The following SWT1 variants were observed in gnomAD, a reference collection of about 807,000 sequenced individuals.
SWT1 encodes SWT1 RNA endoribonuclease homolog, also known as transcriptional protein SWT1.
A neutral mutation model predicts 107.3 loss-of-function variants in SWT1; 33 were observed. The ratio of observed to expected loss-of-function variants is 0.31; its 90% CI spans 0.23 to 0.41. The LOEUF is 0.41. Ranked by LOEUF, SWT1 falls within the 10% of genes least tolerant of loss-of-function variation. The probability of loss-of-function intolerance (pLI) is 1.00; values close to 1 mark genes in which losing one functional copy is unlikely to be tolerated. For missense variants in SWT1, 898 were observed against 1,028.9 expected, an observed-to-expected ratio of 0.87 and a Z score of 1.74; for synonymous variants, 345 against 348.3, an observed-to-expected ratio of 0.99 and a Z score of 0.11.
intron 5 of SWT1, chr1:185,176,539 A>C (rs1313295857): frequency 2.1e-6 from 2 of 972,274 alleles, no homozygotes; most frequent in African/African-American, 1.8e-5. Flanking sequence ...CCTAATCTCT[A>C]TAATTTTGTT....
At chr1:185,278,154 G>A (rs966002210) in intron 18 of SWT1, among the ~76,000 whole-genome samples, 6 of 152,088 alleles carry the variant, frequency 3.9e-5, no homozygotes, top group African/African-American at 1.4e-4. Flanking sequence ...CATACACAGG[G>A]TATAGTTGTG....
In SWT1 at chr1:185,175,125, A is replaced by C. The variant is rs1438429504; in HGVS notation, c.966+12A>C. 3 of 1,489,318 alleles carry C rather than the reference A, an allele frequency of 2.0e-6. No homozygotes were observed. Among genetic ancestry groups the C allele is most frequent in the South Asian group, 2.9e-5 (2 of 68,460 alleles). The allele number at this position is 1,489,318 out of a possible 1,614,324, so 92.3% of individuals were successfully genotyped here. A position where few individuals can be genotyped will look rare whatever the true frequency, so the allele number is the denominator to read the frequency against. The stretch of plus-strand genomic sequence containing the variant: ...AAAACCTAACCCAGGTAAGGTAGTA[A>C]AAAATGAAGAATATAGGTTTTAACT... On this transcript the variant is annotated intron_variant, in intron 5 of 18. Transcript: ENST00000367500.
At chr1:185,197,035 T>G (rs996032878) in intron 10 of SWT1, among the ~76,000 whole-genome samples, 9 of 152,168 alleles carry the variant, frequency 5.9e-5, no homozygotes, top group African/African-American at 2.2e-4. Context: ...TGTGCCGGTT[T>G]TCAAAGGCAA....
chr1:185,266,702 T>G (rs1558089737), intron 16 of SWT1: 2 of 151,866 alleles, frequency 1.3e-5, no homozygotes, highest in Non-Finnish European at 2.9e-5. Flanking sequence ...TTGATTTGTA[T>G]TTACTATTGA....
intron 13 of SWT1, among the ~76,000 whole-genome samples, chr1:185,213,723 A>C (rs1659004699): frequency 6.6e-6 from 1 of 152,114 alleles, no homozygotes; most frequent in Non-Finnish European, 1.5e-5. Flanking sequence ...TAATGGAAAT[A>C]ATTTTTTCTG....
chr1:185,210,294 C>T (rs1368781241), intron 13 of SWT1, among the ~76,000 whole-genome samples: 1 of 152,184 alleles, frequency 6.6e-6, no homozygotes, highest in Non-Finnish European at 1.5e-5. Flanking sequence ...GAAGTCTTTG[C>T]TCATGCCTAT....
Position 185,202,665 on chromosome 1 carries a change from A to G in SWT1, c.1535A>G (p.Asn512Ser). 1 of 1,607,182 alleles carries G rather than the reference A, an allele frequency of 6.2e-7. No individual in the cohort carries two copies. The highest frequency in any genetic ancestry group is 1.3e-5 in the African/African-American group (1 of 74,616). The change falls in exon 11 of 19, where the codon AAC (asparagine) becomes AGC (serine). Residue 512 changes from asparagine (N) to serine (S), a missense_variant. Asn to Ser is a conservative substitution (Grantham distance 46). Coordinates refer to ENST00000367500, the MANE Select transcript of SWT1 (RefSeq NM_017673.7). ...CCTCCCAACCTTAGGGATGATAGAA[A>G]CTTAAGAAACAAAGGCCTAATAAGT... ...SFVILCTDDRNLRNKGLISGV... is the reference protein window; with the variant it reads ...SFVILCTDDRSLRNKGLISGV...
chr1:185,289,245 CACTT>C (rs1665116752), intron 18 of SWT1, among the ~76,000 whole-genome samples: 2 of 152,330 alleles, frequency 1.3e-5, no homozygotes, highest in South Asian at 4.1e-4. Context: ...AAGATAAAAG[CACTT>C]AGTTGCACAA....
intron 16 of SWT1, among the ~76,000 whole-genome samples, chr1:185,236,229 CA>C (rs1207245509): frequency 6.6e-6 from 1 of 152,042 alleles, no homozygotes; most frequent in Non-Finnish European, 1.5e-5. Flanking sequence ...AAAAAGAGCC[CA>C]CATAGCCAAG....
intron 16 of SWT1, among the ~76,000 whole-genome samples, chr1:185,251,906 C>G (rs1386551845): frequency 1.3e-5 from 2 of 151,970 alleles, no homozygotes; most frequent in Non-Finnish European, 2.9e-5. Context: ...AACTCGTCAT[C>G]TAGCATTAGG....
intron 4 of SWT1, among the ~76,000 whole-genome samples, chr1:185,173,493 G>A (rs1465513501): frequency 2.2e-5 from 3 of 138,926 alleles, no homozygotes; most frequent in Non-Finnish European, 3.0e-5. Context: ...CCAGGAGTTC[G>A]ACCAGCCTGG....
chr1:185,260,459 A>T (rs1022379061), intron 16 of SWT1, among the ~76,000 whole-genome samples: 9 of 152,152 alleles, frequency 5.9e-5, no homozygotes, highest in African/African-American at 2.2e-4. Context: ...TCAAGGAAGG[A>T]ATAAGTTCCA....
At chr1:185,236,356 G>A (rs555677850) in intron 16 of SWT1, among the ~76,000 whole-genome samples, 1 of 152,132 alleles carries the variant, frequency 6.6e-6, no homozygotes, top group African/African-American at 2.4e-5. Flanking sequence ...GCATGGTACT[G>A]GTACCAAAAC....
At chr1:185,187,604 T>C (rs2102398561) in intron 9 of SWT1, among the ~76,000 whole-genome samples, 1 of 152,308 alleles carries the variant, frequency 6.6e-6, no homozygotes, top group East Asian at 1.9e-4. Flanking sequence ...TTAATAACTA[T>C]GATTTATATA....
At position 185,184,752 on chromosome 1, in the gene SWT1, A is replaced by G. The variant is rs761678082; in HGVS notation, c.1250A>G (p.Lys417Arg). The G allele has an allele frequency of 1.9e-6, 3 of 1,606,502 alleles. No homozygotes were observed. Among genetic ancestry groups the G allele is most frequent in the East Asian group, 2.2e-5 (1 of 44,656 alleles). The change falls in exon 9 of 19, where the codon AAA becomes AGA. Residue 417 changes from lysine to arginine, a missense_variant. By Grantham distance (26) the Lys-to-Arg change is conservative (BLOSUM62 2). This residue lies in a region of SWT1 where 94 missense variants were observed against 114.5 expected (regional missense o/e 0.82). Transcript: ENST00000367500. ...TCTTTTTATTTTTTAGGTTTTGACA[A>G]ACTTGTGTTAATAATTCCCTGGGTC... ...LKTTEVPGFD[K>R]LVLIIPWVVM...
chr1:185,221,086 CTT>C (rs1659624677), intron 14 of SWT1, among the ~76,000 whole-genome samples: 1 of 150,388 alleles, frequency 6.6e-6, no homozygotes, highest in Non-Finnish European at 1.5e-5. Context: ...CACACACACT[CTT>C]CTAGATTTAT....
In SWT1 at chr1:185,202,757, G is replaced by A. The variant is rs769711890; in HGVS notation, c.1627G>A (p.Val543Met). Residue 543 changes from valine to methionine, a missense_variant, in exon 11 of 19, where the codon GTG becomes ATG. Val to Met is a conservative substitution (Grantham distance 21, BLOSUM62 1). This residue lies in a region of SWT1 where 382 missense variants were observed against 460.0 expected (regional missense o/e 0.83). Transcript: ENST00000367500. ...ATTACACTTATCTCTGAACACAGAT[G>A]TGTGTCATCAGCCTTGTATTCCTAA... is the stretch of plus-strand genomic sequence containing the variant. Reference protein sequence around the residue: ...ELLHLSLNTDVCHQPCIPKQQ... With the variant: ...ELLHLSLNTDMCHQPCIPKQQ... 3 of 1,591,170 alleles carry A rather than the reference G, an allele frequency of 1.9e-6. No individual in the cohort carries two copies. The highest frequency in any genetic ancestry group is 2.6e-6 in the Non-Finnish European group (3 of 1,168,160).
At chr1:185,249,162 T>C (rs753444539) in intron 16 of SWT1, among the ~76,000 whole-genome samples, 8 of 152,154 alleles carry the variant, frequency 5.3e-5, no homozygotes, top group Admixed American at 6.5e-5. Context: ...AACGCCAATA[T>C]GTGGCATCTT....
intron 4 of SWT1, among the ~76,000 whole-genome samples, chr1:185,171,959 C>T (rs1655110474): frequency 6.6e-6 from 1 of 152,190 alleles, no homozygotes; most frequent in Non-Finnish European, 1.5e-5. Context: ...GATGAAAACT[C>T]AGGTGAAACT....
Sources: gnomAD v4.1 joint callset for allele counts (sites outside exome capture counted in the v4.1 genomes callset) on GRCh38, gnomAD v4.1.1 for gene constraint, gnomAD v4.1.1 regional missense constraint, MANE v1.5 for transcripts, NCBI Gene and HGNC (gene_info 2026-07-23, HGNC 2026-07-21) for gene names.